NETO2: variants seen among roughly 807,000 people sequenced by gnomAD.
The protein encoded by NETO2 is neuropilin and tolloid like 2, also known as neuropilin and tolloid-like protein 2.
NETO2 carries 28 observed loss-of-function variants against 62.5 expected under a neutral mutation model. That is an observed-to-expected ratio of 0.45 (90% confidence interval 0.33 to 0.61). The LOEUF (loss-of-function observed/expected upper bound fraction) is 0.61. Ranked by LOEUF, NETO2 falls within the 20% of genes least tolerant of loss-of-function variation. NETO2 has a pLI of 0.02. For synonymous variants in NETO2, 214 were observed against 219.1 expected, an observed-to-expected ratio of 0.98 and a Z score of 0.21; for missense variants, 548 against 643.2, an observed-to-expected ratio of 0.85 and a Z score of 1.60.
intron 6 of NETO2, among the ~76,000 whole-genome samples, chr16:47,116,009 C>T (rs1027063810): frequency 1.3e-5 from 2 of 151,844 alleles, no homozygotes. Flanking sequence ...CTTCTTTTTC[C>T]AATCTGTATG....
chr16:47,115,822 T>G (rs1963910031), intron 6 of NETO2, among the ~76,000 whole-genome samples: 1 of 150,152 alleles, frequency 6.7e-6, no homozygotes, highest in Admixed American at 6.6e-5. Flanking sequence ...CCACCTGCCT[T>G]GGTCTCCCAA....
At chr16:47,118,998 T>C (rs975050533) in intron 6 of NETO2, among the ~76,000 whole-genome samples, 9 of 152,098 alleles carry the variant, frequency 5.9e-5, no homozygotes, top group Admixed American at 5.2e-4. Context: ...TTTTTCTTTT[T>C]CCCCCATTGT....
intron 4 of NETO2, among the ~76,000 whole-genome samples, chr16:47,127,473 A>C (rs985266241): frequency 6.6e-6 from 1 of 152,338 alleles, no homozygotes; most frequent in African/African-American, 2.4e-5. Context: ...AAAAGAGTAA[A>C]TATTACAAGA....
rs538778543 is a variant in NETO2, at chr16:47,103,486, A to C, written c.883+5997T>G. Among the ~76,000 whole-genome samples, 6 of 152,324 alleles carry C rather than the reference A, an allele frequency of 3.9e-5. No homozygotes were observed. The South Asian group carries it at 1.2e-3, about 32-fold the overall frequency. ...ATCCTCAAACTCTTTGAAAAAGTTGAAGAACAAACACTACTTACTCATTCT... is the reference window on the plus strand; with the variant it reads ...ATCCTCAAACTCTTTGAAAAAGTTGCAGAACAAACACTACTTACTCATTCT... On this transcript the variant is annotated intron_variant, in intron 7 of 8. Coordinates refer to ENST00000562435, the MANE Select transcript of NETO2 (RefSeq NM_018092.5).
At chr16:47,134,303 C>T (rs755611840) in intron 1 of NETO2, among the ~76,000 whole-genome samples, 11 of 152,166 alleles carry the variant, frequency 7.2e-5, no homozygotes, top group Non-Finnish European at 1.5e-4. Context: ...TCTCCTCTGT[C>T]TTTTCTCAAT....
At chr16:47,106,258 TCA>T (rs750991543) in intron 7 of NETO2, among the ~76,000 whole-genome samples, 7 of 152,086 alleles carry the variant, frequency 4.6e-5, no homozygotes, top group South Asian at 2.1e-4. Context: ...ATATGGAAAT[TCA>T]CAGAGACAGA....
At chr16:47,094,203 G>C (rs1043954965) in intron 7 of NETO2, among the ~76,000 whole-genome samples, 1 of 149,446 alleles carries the variant, frequency 6.7e-6, no homozygotes, top group Non-Finnish European at 1.5e-5. Context: ...CTGGTAATAT[G>C]ATCTGCACTT....
intron 6 of NETO2, among the ~76,000 whole-genome samples, chr16:47,118,677 ATC>A (rs1420598968): frequency 6.6e-6 from 1 of 152,230 alleles, no homozygotes; most frequent in Non-Finnish European, 1.5e-5. Context: ...AGACAAAAAT[ATC>A]TGTGTACCCA....
chr16:47,087,476 A>T (rs1963218997), intron 7 of NETO2, among the ~76,000 whole-genome samples: 2 of 152,336 alleles, frequency 1.3e-5, no homozygotes, highest in African/African-American at 4.8e-5. Context: ...TTTAATGGGT[A>T]CAGAGTTTCA....
chr16:47,128,436 C>T lies in NETO2; in HGVS notation c.370G>A (p.Val124Met), dbSNP rs971571891. Residue 124 changes from valine to methionine, a missense_variant, in exon 4 of 9, where the codon GTG becomes ATG. Val to Met is a conservative substitution (Grantham distance 21, BLOSUM62 1). Transcript: ENST00000562435. ...FSPLIDRYCG[V>M]KSPPLIRSTG... ...GATCTAATTAATGGAGGGCTTTTCA[C>T]GCCACAGTAACGATCTATAAGAGGA... 13 of 1,614,076 alleles carry T rather than the reference C, an allele frequency of 8.1e-6. No individual in the cohort carries two copies. In the East Asian group the frequency reaches 1.3e-4, roughly 17 times the overall value.
intron 7 of NETO2, among the ~76,000 whole-genome samples, 192 bp from the exon 8 acceptor site, chr16:47,086,531 C>T (rs568694442): frequency 7.7e-4 from 117 of 152,310 alleles, no homozygotes; most frequent in Admixed American, 2.4e-3. Context: ...TTTTCTTATG[C>T]TAGGCCCCAA....
In NETO2 at chr16:47,122,743, A is replaced by C; in HGVS notation, c.568T>G (p.Ser190Ala). 1 of 1,614,144 alleles carries C rather than the reference A, an allele frequency of 6.2e-7. No homozygotes were observed. Among genetic ancestry groups the C allele is most frequent in the Non-Finnish European group, 8.5e-7 (1 of 1,180,022 alleles). ...TTCTCCTCTTGTTCTACCTGACTAGAGCGCACTATTCCATCAGCTCCCGAG... is the reference window on the plus strand; with the variant it reads ...TTCTCCTCTTGTTCTACCTGACTAGCGCGCACTATTCCATCAGCTCCCGAG... The part of the protein sequence containing the change: ...ELSGADGIVR[S>A]SQVEQEEKTK... Residue 190 changes from serine (S) to alanine (A), a missense_variant, in exon 6 of 9, where the codon TCT becomes GCT. Ser to Ala is a moderately conservative substitution (Grantham distance 99). Transcript: ENST00000562435.
rs1490236047 is a variant in NETO2, at chr16:47,122,873, A to T, written c.521T>A (p.Ile174Asn). The T allele has an allele frequency of 6.2e-7, 1 of 1,613,932 alleles. No individual in the cohort carries two copies. The highest frequency in any genetic ancestry group is 2.2e-5 in the East Asian group (1 of 44,892). The stretch of plus-strand genomic sequence containing the variant: ...CAAGTGGTAATATACTAAACCTGGA[A>T]TGGGATTTAAAATACCTCCTAGGTA... ...FTYLGGILNP[I>N]PDCQFELSGA... is the part of the protein sequence containing the mutation. Residue 174 changes from isoleucine to asparagine, a missense_variant, in exon 5 of 9, where the codon ATT becomes AAT. Transcript: ENST00000562435.
intron 7 of NETO2, among the ~76,000 whole-genome samples, chr16:47,087,914 G>A: frequency 6.6e-6 from 1 of 152,124 alleles, no homozygotes; most frequent in Non-Finnish European, 1.5e-5. Context: ...ACCTTTGTTA[G>A]AATGGATTAT....
intron 4 of NETO2, among the ~76,000 whole-genome samples, chr16:47,126,558 C>T (rs1199060779): frequency 6.6e-6 from 1 of 152,158 alleles, no homozygotes; most frequent in Non-Finnish European, 1.5e-5. Context: ...GGATACATGT[C>T]ATCATGCATT....
intron 6 of NETO2, among the ~76,000 whole-genome samples, chr16:47,119,804 A>C (rs997908555): frequency 5.3e-5 from 8 of 152,100 alleles, no homozygotes; most frequent in African/African-American, 1.9e-4. Context: ...AAACATATGG[A>C]GTTTTAAAGT....
chr16:47,102,607 A>AAC (rs1555496974), intron 7 of NETO2, among the ~76,000 whole-genome samples: 27 of 150,552 alleles, frequency 1.8e-4, no homozygotes, highest in Non-Finnish European at 2.5e-4. Context: ...AAAAAAAAAA[A>AAC]CAACCCCATC....
At chr16:47,099,747 A>G (rs1022229770) in intron 7 of NETO2, among the ~76,000 whole-genome samples, 4 of 152,226 alleles carry the variant, frequency 2.6e-5, no homozygotes. Flanking sequence ...GATCAACGCA[A>G]CAAGAGCTAA....
At chr16:47,119,411 A>T (rs1396710638) in intron 6 of NETO2, among the ~76,000 whole-genome samples, 1 of 151,848 alleles carries the variant, frequency 6.6e-6, no homozygotes, top group East Asian at 1.9e-4. Context: ...TCGGCCTCCC[A>T]AAGTGCTGGG....
Sources: allele counts gnomAD v4.1 joint callset (sites outside exome capture counted in the v4.1 genomes callset), GRCh38; gene constraint gnomAD v4.1.1; transcripts MANE v1.5; gene names NCBI Gene and HGNC (gene_info 2026-07-23, HGNC 2026-07-21).